The following TATDN1 variants were observed in gnomAD, a reference collection of about 807,000 sequenced individuals.
TATDN1 encodes deoxyribonuclease TATDN1.
TATDN1 carries 40 observed loss-of-function variants against 46.4 expected under a neutral mutation model. The ratio of observed to expected loss-of-function variants is 0.86; its 90% CI spans 0.67 to 1.12. The LOEUF is 1.12. Ranked by LOEUF, TATDN1 falls within the 50% of genes most tolerant of loss-of-function variation. The probability of loss-of-function intolerance (pLI) is 0.00; values close to 1 mark genes in which losing one functional copy is unlikely to be tolerated. For missense variants in TATDN1, 326 were observed against 348.4 expected, an observed-to-expected ratio of 0.94 and a Z score of 0.51; for synonymous variants, 95 against 105.6, an observed-to-expected ratio of 0.90 and a Z score of 0.62.
At chr8:124,503,958 A>C in intron 9 of TATDN1, 1 of 1,312,882 alleles carries the variant, frequency 7.6e-7, no homozygotes, top group South Asian at 1.2e-5. Flanking sequence ...AATGCTGTGA[A>C]CACATGTTTT....
chr8:124,494,246 G>A (rs978582820), intron 10 of TATDN1: 2 of 201,854 alleles, frequency 9.9e-6, no homozygotes, highest in Non-Finnish European at 2.0e-5. Context: ...ATAACAACAT[G>A]AAAACATTTA....
chr8:124,507,398 T>A (rs1425551085), intron 8 of TATDN1, among the ~76,000 whole-genome samples: 1 of 152,218 alleles, frequency 6.6e-6, no homozygotes, highest in Non-Finnish European at 1.5e-5. Context: ...ACATAAAAAT[T>A]AGTTTATATT....
rs1233280608 is a variant in TATDN1, at chr8:124,488,700, A to G, written c.792-4T>C. On this transcript the variant is annotated splice_region_variant and splice_polypyrimidine_tract_variant and intron_variant, in intron 11 of 11. Transcript: ENST00000276692. ...TGACATTATCTCCAATATTTGACTA[A>G]AACAAAACAAAAACAAAAATGGTTA... The G allele has an allele frequency of 6.4e-7, 1 of 1,553,922 alleles. No homozygotes were observed. The highest frequency in any genetic ancestry group is 8.9e-7 in the Non-Finnish European group (1 of 1,128,122).
chr8:124,510,068 AAT>A (rs529374852), intron 6 of TATDN1, among the ~76,000 whole-genome samples: 194 of 152,152 alleles, frequency 1.3e-3, no homozygotes, highest in African/African-American at 4.5e-3. Context: ...AAAAAATAGA[AAT>A]AGTCTTCCTA....
At chr8:124,533,497 G>A (rs1475111350) in intron 1 of TATDN1, among the ~76,000 whole-genome samples, 1 of 152,122 alleles carries the variant, frequency 6.6e-6, no homozygotes, top group African/African-American at 2.4e-5. Flanking sequence ...GTACAGGAAG[G>A]AATGCCTTGT....
rs775706605 is a variant in TATDN1, at chr8:124,522,956, C to G, written c.69G>C (p.Arg23Ser). 6.2e-7 allele frequency: 1 copy of G among 1,613,280 alleles called. No individual in the cohort carries two copies. The highest frequency in any genetic ancestry group is 8.5e-7 in the Non-Finnish European group (1 of 1,179,638). The change falls in exon 2 of 12, where the codon AGG becomes AGC. Residue 23 changes from arginine (R) to serine (S), a missense_variant. Coordinates refer to ENST00000276692, the MANE Select transcript of TATDN1 (RefSeq NM_032026.4). ...LTDPMFRGIYRGVQKHQDDLQ... is the reference protein window; with the variant it reads ...LTDPMFRGIYSGVQKHQDDLQ... ...ATTTACCTTGATGCTTTTGAACCCC[C>G]CTATAAATTCCTCTGAACATAGGGT...
intron 4 of TATDN1, among the ~76,000 whole-genome samples, chr8:124,517,443 G>C (rs1028743749): frequency 7.1e-6 from 1 of 140,350 alleles, no homozygotes; most frequent in South Asian, 2.3e-4. Context: ...AAAAAAAAAA[G>C]AAAAAGTGTG....
intron 1 of TATDN1, chr8:124,538,463 T>G (rs1008676337): frequency 2.6e-5 from 4 of 155,476 alleles, no homozygotes; most frequent in African/African-American, 9.6e-5. Flanking sequence ...ACTGGATCAT[T>G]GTACTTGCCA....
chr8:124,511,576 T>C (rs1819018726), intron 6 of TATDN1, among the ~76,000 whole-genome samples: 1 of 152,034 alleles, frequency 6.6e-6, no homozygotes, highest in African/African-American at 2.4e-5. Context: ...AAATTGAAAA[T>C]ACAGGGTATG....
chr8:124,491,953 T>TATTGATG (rs1333676517), intron 11 of TATDN1, among the ~76,000 whole-genome samples: 1 of 151,918 alleles, frequency 6.6e-6, no homozygotes, highest in African/African-American at 2.4e-5. Flanking sequence ...GAAGAACAAG[T>TATTGATG]ATTGATGAAG....
At chr8:124,520,455 T>C (rs943240365) in intron 3 of TATDN1, among the ~76,000 whole-genome samples, 4 of 151,056 alleles carry the variant, frequency 2.6e-5, no homozygotes, top group Non-Finnish European at 5.9e-5. Context: ...AAAAAAAGAC[T>C]AATAAAAATA....
intron 1 of TATDN1, among the ~76,000 whole-genome samples, chr8:124,523,828 G>A (rs1336001209): frequency 2.0e-5 from 3 of 152,088 alleles, no homozygotes; most frequent in Non-Finnish European, 2.9e-5. Flanking sequence ...GGAGAGGTCA[G>A]AAGACACCAG....
At chr8:124,509,272 T>A (rs746924655) in intron 6 of TATDN1, among the ~76,000 whole-genome samples, 18 of 152,188 alleles carry the variant, frequency 1.2e-4, no homozygotes, top group Admixed American at 3.9e-4. Flanking sequence ...CAAAATAACC[T>A]GAGTATAAAA....
At chr8:124,537,380 C>T (rs1821540877) in intron 1 of TATDN1, among the ~76,000 whole-genome samples, 1 of 152,092 alleles carries the variant, frequency 6.6e-6, no homozygotes. Flanking sequence ...ACTCTAAAAC[C>T]TTGTCAGAGG....
At chr8:124,536,037 TATG>T (rs1424935408) in intron 1 of TATDN1, among the ~76,000 whole-genome samples, 1 of 152,236 alleles carries the variant, frequency 6.6e-6, no homozygotes, top group African/African-American at 2.4e-5. Context: ...AGGAATGGAA[TATG>T]ATGTTTTTAT....
rs28577958 is a variant in TATDN1 at position 124,522,058 on chromosome 8, T to C, written c.138+93A>G. ...GACAATATGTACCCCAACTGTGGCA[T>C]TGGTTTGTTCCTTTCTATTCTGCAA... On this transcript the variant is annotated intron_variant, in intron 3 of 11. Coordinates refer to ENST00000276692, the MANE Select transcript of TATDN1 (RefSeq NM_032026.4). The C allele has an allele frequency of 4.5e-4, 355 of 780,344 alleles. No homozygotes were observed. In the African/African-American group the frequency reaches 4.6e-3, roughly 10 times the overall value. The allele number at this position is 780,344 out of a possible 1,614,324, so 48.3% of individuals were successfully genotyped here. A position where few individuals can be genotyped will look rare whatever the true frequency, so the allele number is the denominator to read the frequency against.
intron 11 of TATDN1, 136 bp downstream of exon 11, chr8:124,493,697 G>A (rs1195727034): frequency 5.3e-6 from 5 of 942,382 alleles, no homozygotes; most frequent in Non-Finnish European, 4.7e-6. Flanking sequence ...CCAAATCACT[G>A]CATTAATATG....
chr8:124,503,242 A>G (rs955303222), intron 9 of TATDN1, among the ~76,000 whole-genome samples: 1 of 152,194 alleles, frequency 6.6e-6, no homozygotes, highest in Non-Finnish European at 1.5e-5. Context: ...ATATACCCCA[A>G]TGAGAATAGA....
chr8:124,517,163 C>T (rs1819545654), intron 4 of TATDN1, among the ~76,000 whole-genome samples: 1 of 152,206 alleles, frequency 6.6e-6, no homozygotes, highest in Non-Finnish European at 1.5e-5. Flanking sequence ...GGTGAGGTGG[C>T]TTACGCCTGT....
Sources: gnomAD v4.1 joint callset for allele counts (sites outside exome capture counted in the v4.1 genomes callset) on GRCh38, gnomAD v4.1.1 for gene constraint, MANE v1.5 for transcripts, NCBI Gene and HGNC (gene_info 2026-07-23, HGNC 2026-07-21) for gene names.